MAPKAPK5: variants seen among roughly 807,000 people sequenced by gnomAD.
MAPKAPK5 encodes the protein MAPK activated protein kinase 5, also known as MAP kinase-activated protein kinase 5.
A neutral mutation model predicts 65.1 loss-of-function variants in MAPKAPK5; 30 were observed. The observed-to-expected ratio is 0.46, with a 90% CI of 0.34 to 0.63. The LOEUF is 0.63. MAPKAPK5 is among the 20% of genes least tolerant of loss of function. The probability of loss-of-function intolerance (pLI) is 0.01; values close to 1 mark genes in which losing one functional copy is unlikely to be tolerated. For synonymous variants in MAPKAPK5, 179 were observed against 204.6 expected, an observed-to-expected ratio of 0.87 and a Z score of 1.07; for missense variants, 433 against 581.4, an observed-to-expected ratio of 0.74 and a Z score of 2.63.
chr12:111,853,007 C>T (rs1480557790), intron 1 of MAPKAPK5, among the ~76,000 whole-genome samples: 2 of 152,156 alleles, frequency 1.3e-5, no homozygotes, highest in Admixed American at 1.3e-4. Context: ...CTCCTGGCCT[C>T]AGGCAATCCA....
At chr12:111,850,753 G>C (rs772318409) in intron 1 of MAPKAPK5, among the ~76,000 whole-genome samples, 13 of 152,190 alleles carry the variant, frequency 8.5e-5, no homozygotes, top group Non-Finnish European at 1.0e-4. Flanking sequence ...GTTAACTGCC[G>C]TTTTGTGTAA....
intron 1 of MAPKAPK5, among the ~76,000 whole-genome samples, chr12:111,848,892 G>A (rs954596631): frequency 1.3e-5 from 2 of 151,698 alleles, no homozygotes; most frequent in Non-Finnish European, 2.9e-5. Flanking sequence ...ACCATGCCCA[G>A]CTAATTTTTT....
chr12:111,853,245 G>A (rs1027830119), intron 1 of MAPKAPK5, among the ~76,000 whole-genome samples: 38 of 151,860 alleles, frequency 2.5e-4, no homozygotes, highest in South Asian at 4.1e-4. Context: ...GGTGGCAAGC[G>A]CCTGTAGTCC....
chr12:111,873,279 A>G (rs988468395), intron 7 of MAPKAPK5, among the ~76,000 whole-genome samples: 3 of 152,198 alleles, frequency 2.0e-5, no homozygotes, highest in African/African-American at 7.2e-5. Flanking sequence ...GTTTTTTACA[A>G]ATCATCATTT....
chr12:111,886,457 TC>T (rs2070406564), intron 10 of MAPKAPK5, among the ~76,000 whole-genome samples: 3 of 152,234 alleles, frequency 2.0e-5, no homozygotes, highest in Admixed American at 1.3e-4. Context: ...AAAGAGCACA[TC>T]TTTGAAGGGA....
rs889466170 is a variant in MAPKAPK5, at chr12:111,843,223, G to A, written c.36+454G>A. 1.4e-4 allele frequency: 55 copies of A among 398,514 alleles called. No homozygotes were observed. In the East Asian group the frequency reaches 1.8e-3, roughly 13 times the overall value. 24.7% of individuals were successfully genotyped at this position (398,514 alleles called of 1,614,324 possible). On this transcript the variant is annotated intron_variant, in intron 1 of 13. Coordinates refer to ENST00000550735, the MANE Select transcript of MAPKAPK5 (RefSeq NM_003668.4). ...TGCAGTTGGAAAAAGGTGGTTCGCC[G>A]TACAAAACCTGTCCTTTGGGGAATA...
rs1456809669 is a variant in MAPKAPK5 at position 111,870,359 on chromosome 12, T to C, written c.482T>C (p.Leu161Ser). 5.6e-6 allele frequency: 9 copies of C among 1,606,408 alleles called. No individual in the cohort carries two copies. Among genetic ancestry groups the C allele is most frequent in the African/African-American group, 2.7e-5 (2 of 74,844 alleles). The change falls in exon 6 of 14, where the codon TTG (leucine) becomes TCG (serine). Residue 161 changes from leucine (L) to serine (S), a missense_variant and splice_region_variant. Leu to Ser is a moderately radical substitution (Grantham distance 145, BLOSUM62 -2). This residue lies in a region of MAPKAPK5 where 99 missense variants were observed against 185.8 expected (regional missense o/e 0.53). Transcript: ENST00000550735. ...AATCTGCTTTTTAAGGATAACTCTT[T>C]GGTGAGAAGACTGTTTTTCTGCATT... ...PENLLFKDNS[L>S]DAPVKLCDFG... is the part of the protein sequence containing the mutation.
Position 111,842,620 on chromosome 12 carries a change from C to T in MAPKAPK5, c.-114C>T, listed in dbSNP as rs2068749606. ...ACCGGTCCCGAGGGGCGGCTGCTGC[C>T]CGTCGCCACGAGGCCCAGGGGCCCG... On this transcript the variant is annotated 5_prime_UTR_variant, in exon 1 of 14. Transcript: ENST00000550735. 1.5e-6 allele frequency: 1 copy of T among 664,904 alleles called. No individual in the cohort carries two copies. Among genetic ancestry groups the T allele is most frequent in the East Asian group, 3.5e-5 (1 of 28,916 alleles). 41.2% of individuals were successfully genotyped at this position (664,904 alleles called of 1,614,324 possible). A position where few individuals can be genotyped will look rare whatever the true frequency, so the allele number is the denominator to read the frequency against.
chr12:111,889,968 C>T, intron 12 of MAPKAPK5, 72 bp from the exon 13 acceptor site: 1 of 913,082 alleles, frequency 1.1e-6, no homozygotes, highest in Admixed American at 2.1e-5. Flanking sequence ...ACATCACGTC[C>T]CTCCATCTCT....
At chr12:111,892,835 G>A (rs933973430) in intron 13 of MAPKAPK5, 132 bp from the exon 14 acceptor site, 1 of 546,486 alleles carries the variant, frequency 1.8e-6, no homozygotes, top group Non-Finnish European at 3.3e-6. Flanking sequence ...CTTTTGATCA[G>A]TGGTGGGGGT....
At chr12:111,847,129 G>C (rs1593115456) in intron 1 of MAPKAPK5, among the ~76,000 whole-genome samples, 1 of 151,792 alleles carries the variant, frequency 6.6e-6, no homozygotes, top group South Asian at 2.1e-4. Context: ...ATCATTTGAG[G>C]TCAGGAGTTT....
Position 111,866,149 on chromosome 12 carries a change from A to T in MAPKAPK5, c.111-7A>T, listed in dbSNP as rs772523023. The stretch of plus-strand genomic sequence containing the variant: ...ATCTCTGATTGATTTTTTTTCTCCA[A>T]ATCTAGAGTCTGTGTAAAGAAATCT... On this transcript the variant is annotated splice_polypyrimidine_tract_variant and splice_region_variant and intron_variant, in intron 2 of 13. Transcript: ENST00000550735. 1.1e-5 allele frequency: 17 copies of T among 1,595,562 alleles called. 1 individual carries two copies. In the East Asian group the frequency reaches 3.8e-4, roughly 36 times the overall value.
At position 111,870,255 on chromosome 12, in the gene MAPKAPK5, T is replaced by A. The variant is rs915855359; in HGVS notation, c.394-16T>A. On this transcript the variant is annotated splice_polypyrimidine_tract_variant and intron_variant, in intron 5 of 13. Coordinates refer to ENST00000550735, the MANE Select transcript of MAPKAPK5 (RefSeq NM_003668.4). ...TCTTTTCTAAGAAGCGACTGTTTCA[T>A]TGTGTCTTTTTTCAGATAGCTTTGG... 4 of 1,573,996 alleles carry A rather than the reference T, an allele frequency of 2.5e-6. No homozygotes were observed. Among genetic ancestry groups the A allele is most frequent in the Non-Finnish European group, 3.5e-6 (4 of 1,147,744 alleles).
intron 11 of MAPKAPK5, 91 bp from the exon 12 acceptor site, chr12:111,888,794 C>T: frequency 1.3e-6 from 2 of 1,534,606 alleles, no homozygotes; most frequent in South Asian, 1.3e-5. Context: ...TTTTCTGATA[C>T]ATCTGTTGCC....
chr12:111,855,081 C>T (rs2069191883), intron 1 of MAPKAPK5, among the ~76,000 whole-genome samples: 1 of 152,088 alleles, frequency 6.6e-6, no homozygotes, highest in Non-Finnish European at 1.5e-5. Context: ...CATGGTTTTC[C>T]CTTTTAATAC....
At chr12:111,844,200 T>G (rs1180359940) in intron 1 of MAPKAPK5, among the ~76,000 whole-genome samples, 1 of 151,400 alleles carries the variant, frequency 6.6e-6, no homozygotes, top group South Asian at 2.1e-4. Context: ...GGGTTTTGTT[T>G]TTTTTTTTGA....
At chr12:111,892,837 G>C in intron 13 of MAPKAPK5, 130 bp from the exon 14 acceptor site, 2 of 554,052 alleles carry the variant, frequency 3.6e-6, no homozygotes, top group South Asian at 4.8e-5. Context: ...TTTGATCAGT[G>C]GTGGGGGTGG....
chr12:111,859,464 A>G (rs935086051), intron 1 of MAPKAPK5, among the ~76,000 whole-genome samples: 4 of 151,830 alleles, frequency 2.6e-5, no homozygotes, highest in African/African-American at 7.3e-5. Flanking sequence ...TTCTCAGTAG[A>G]GATGGGGTTT....
At position 111,845,285 on chromosome 12, in the gene MAPKAPK5, C is replaced by T. The variant is rs141989327; in HGVS notation, c.36+2516C>T. ...GACTACAGGCGCACACCACCACGCC[C>T]GGCTATTTTTGTTGTTATTGCTATT... On this transcript the variant is annotated intron_variant, in intron 1 of 13. Coordinates refer to ENST00000550735, the MANE Select transcript of MAPKAPK5 (RefSeq NM_003668.4). Among the ~76,000 whole-genome samples the T allele has an allele frequency of 4.8e-3, 724 of 152,078 alleles. 9 individuals carry two copies. The highest frequency in any genetic ancestry group is 0.017 in the African/African-American group (686 of 41,478).
Sources: gnomAD v4.1 joint callset for allele counts (sites outside exome capture counted in the v4.1 genomes callset) on GRCh38, gnomAD v4.1.1 for gene constraint, gnomAD v4.1.1 regional missense constraint, MANE v1.5 for transcripts, NCBI Gene and HGNC (gene_info 2026-07-23, HGNC 2026-07-21) for gene names.